The following SLC4A3 variants were observed in gnomAD, a reference collection of about 807,000 sequenced individuals.
The protein encoded by SLC4A3 is solute carrier family 4 member 3.
Under a neutral mutation model 114.2 loss-of-function variants are expected in SLC4A3, and 47 were observed. The observed-to-expected ratio is 0.41, with a 90% CI of 0.33 to 0.52. SLC4A3 has a LOEUF of 0.52. Among genes scored for constraint, SLC4A3 ranks in the 20% least tolerant of loss-of-function variants. The pLI is 0.21. For missense variants in SLC4A3, 1,312 were observed against 1,668.3 expected, an observed-to-expected ratio of 0.79 and a Z score of 3.72; for synonymous variants, 693 against 710.3, an observed-to-expected ratio of 0.98 and a Z score of 0.39.
chr2:219,630,055 C>G lies in SLC4A3; in HGVS notation c.612-98C>G, dbSNP rs376385649. On this transcript the variant is annotated intron_variant, in intron 5 of 22. Transcript: ENST00000358055. This position sits in a 1 kb window ranked among gnomAD's most constrained non-coding sequence, Gnocchi z 6.9. ...GCCCAGGAGGGGCCTGGGTCTCATG[C>G]TCAGGGTCTACTCCAGGCCGTGCTC... is the stretch of plus-strand genomic sequence containing the variant. 9.1e-6 allele frequency: 14 copies of G among 1,537,974 alleles called. No individual in the cohort carries two copies. The highest frequency in any genetic ancestry group is 1.2e-5 in the Non-Finnish European group (14 of 1,140,158).
chr2:219,629,137 C>T lies in SLC4A3; in HGVS notation c.218-7C>T. 4 of 1,570,976 alleles carry T rather than the reference C, an allele frequency of 2.5e-6. No individual in the cohort carries two copies. The highest frequency in any genetic ancestry group is 2.7e-5 in the African/African-American group (2 of 73,808). On this transcript the variant is annotated splice_polypyrimidine_tract_variant and splice_region_variant and intron_variant, in intron 3 of 22. Coordinates refer to ENST00000358055, the MANE Select transcript of SLC4A3 (RefSeq NM_005070.4). The stretch of plus-strand genomic sequence containing the variant: ...GGGGGCCTCAACCGGATCTCCTGCA[C>T]CCCCAGTTCACCGGCACACATCCCA...
intron 7 of SLC4A3, 43 bp downstream of exon 7, chr2:219,632,159 C>G (rs1234043952): frequency 1.2e-6 from 2 of 1,607,108 alleles, no homozygotes; most frequent in Admixed American, 1.7e-5. Flanking sequence ...CCTCATGCCC[C>G]TCGGCCCCGG....
In SLC4A3 at chr2:219,635,663, G is replaced by A. The variant is rs1291985827; in HGVS notation, c.1973-10G>A. 4 of 1,571,436 alleles carry A rather than the reference G, an allele frequency of 2.5e-6. No homozygotes were observed. Among genetic ancestry groups the A allele is most frequent in the South Asian group, 1.2e-5 (1 of 85,608 alleles). On this transcript the variant is annotated splice_polypyrimidine_tract_variant and intron_variant, in intron 13 of 22. Coordinates refer to ENST00000358055, the MANE Select transcript of SLC4A3 (RefSeq NM_005070.4). The stretch of plus-strand genomic sequence containing the variant: ...GTGGTCTGTGCCCCAGCAGCCCCTT[G>A]TTCCCCCAGAACTGTCTTTGGAGTT...
chr2:219,641,115 A>C lies in SLC4A3; in HGVS notation c.3621+153A>C, dbSNP rs1234693569. On this transcript the variant is annotated intron_variant, in intron 22 of 22. Coordinates refer to ENST00000358055, the MANE Select transcript of SLC4A3 (RefSeq NM_005070.4). This position sits in a 1 kb window ranked among gnomAD's most constrained non-coding sequence, Gnocchi z 4.0. ...CTTCCGAAATCTTATTTTCACCTGT[A>C]TAATAGGGGTGATCATAGACCCTAC... 6.6e-6 allele frequency among the ~76,000 whole-genome samples: 1 copy of C among 152,138 alleles called. No individual in the cohort carries two copies. Among genetic ancestry groups the C allele is most frequent in the Admixed American group, 6.5e-5 (1 of 15,284 alleles).
rs2106198532 is a variant in SLC4A3, at chr2:219,637,195, T to G, written c.2535+321T>G. Among the ~76,000 whole-genome samples, 1 of 90,708 alleles carries G rather than the reference T, an allele frequency of 1.1e-5. No individual in the cohort carries two copies. The highest frequency in any genetic ancestry group is 3.8e-4 in the South Asian group (1 of 2,632). The allele number at this position is 90,708 out of a possible 152,430, so 59.5% of individuals were successfully genotyped here. ...CCTTGGGTCACCTTTTGTAGAGGAG[T>G]GTGTGTGTGTGTGTGGGTGTGGGTG... On this transcript the variant is annotated intron_variant, in intron 16 of 22. Transcript: ENST00000358055. This position sits in a 1 kb window ranked among gnomAD's most constrained non-coding sequence, Gnocchi z 4.6.
chr2:219,634,048 C>G, intron 11 of SLC4A3, 69 bp downstream of exon 11: 1 of 1,459,950 alleles, frequency 6.8e-7, no homozygotes, highest in Non-Finnish European at 9.1e-7. Context: ...GCCTGCTTGT[C>G]TGAGCTCTGG....
Position 219,641,059 on chromosome 2 carries a change from C to T in SLC4A3, c.3621+97C>T. On this transcript the variant is annotated intron_variant, in intron 22 of 22. Transcript: ENST00000358055. The surrounding 1 kb of genome is among the most constrained non-coding windows in gnomAD (Gnocchi z 4.0). Reference sequence around the variant, plus strand: ...CCCACTAGTTGTGTTAGTTGTGAAACTTGTGTAACTTGTGTTGCAAGTTAT... The same window carrying T: ...CCCACTAGTTGTGTTAGTTGTGAAATTTGTGTAACTTGTGTTGCAAGTTAT... 8.8e-7 allele frequency: 1 copy of T among 1,139,560 alleles called. No individual in the cohort carries two copies. Among genetic ancestry groups the T allele is most frequent in the Non-Finnish European group, 1.2e-6 (1 of 802,904 alleles). The allele number at this position is 1,139,560 out of a possible 1,614,324, so 70.6% of individuals were successfully genotyped here. A position where few individuals can be genotyped will look rare whatever the true frequency, so the allele number is the denominator to read the frequency against.
At position 219,637,677 on chromosome 2, in the gene SLC4A3, C is replaced by T. The variant is rs1453363159; in HGVS notation, c.2632C>T (p.Pro878Ser). 6 of 1,609,634 alleles carry T rather than the reference C, an allele frequency of 3.7e-6. No homozygotes were observed. Among genetic ancestry groups the T allele is most frequent in the Non-Finnish European group, 5.1e-6 (6 of 1,176,248 alleles). ...TCTGGAGCCAAATGGCAGTGCCCTG[C>T]CCCCCACCGAGGGCCCCCCCAGCCC... ...AGLEPNGSAL[P>S]PTEGPPSPRN... is the part of the protein sequence containing the mutation. Residue 878 changes from proline to serine, a missense_variant, in exon 17 of 23, where the codon CCC (proline) becomes TCC (serine). Transcript: ENST00000358055. This position sits in a 1 kb window ranked among gnomAD's most constrained non-coding sequence, Gnocchi z 4.6.
Position 219,628,992 on chromosome 2 carries a change from G to A in SLC4A3, c.218-152G>A. On this transcript the variant is annotated intron_variant, in intron 3 of 22. Transcript: ENST00000358055. This position sits in a 1 kb window ranked among gnomAD's most constrained non-coding sequence, Gnocchi z 4.8. The stretch of plus-strand genomic sequence containing the variant: ...CTCCACCAGACCTCATCAATGACAG[G>A]CACGTGGACACAGGTGTTGGGGGGT... The A allele has an allele frequency of 1.1e-6, 1 of 908,120 alleles. No homozygotes were observed. Among genetic ancestry groups the A allele is most frequent in the Non-Finnish European group, 1.6e-6 (1 of 623,724 alleles). 56.3% of individuals were successfully genotyped at this position (908,120 alleles called of 1,614,324 possible).
At position 219,638,634 on chromosome 2, in the gene SLC4A3, G is replaced by C. The variant is rs565459051; in HGVS notation, c.2857-69G>C. 1.3e-6 allele frequency: 2 copies of C among 1,536,368 alleles called. No homozygotes were observed. Among genetic ancestry groups the C allele is most frequent in the Admixed American group, 1.7e-5 (1 of 58,416 alleles). On this transcript the variant is annotated intron_variant, in intron 18 of 22. Transcript: ENST00000358055. The surrounding 1 kb of genome is among the most constrained non-coding windows in gnomAD (Gnocchi z 7.5). The stretch of plus-strand genomic sequence containing the variant: ...AGTCCTGGACTGGGGACGCAGCTTA[G>C]TGGGCTGCTTGGTGGGCTTTCTAGC...
Position 219,631,432 on chromosome 2 carries a change from G to T in SLC4A3, c.812-536G>T. 1.5e-6 allele frequency: 2 copies of T among 1,304,094 alleles called. No individual in the cohort carries two copies. Among genetic ancestry groups the T allele is most frequent in the Non-Finnish European group, 2.0e-6 (2 of 988,796 alleles). 80.8% of individuals were successfully genotyped at this position (1,304,094 alleles called of 1,614,324 possible). On this transcript the variant is annotated intron_variant, in intron 6 of 22. Coordinates refer to ENST00000358055, the MANE Select transcript of SLC4A3 (RefSeq NM_005070.4). This position sits in a 1 kb window ranked among gnomAD's most constrained non-coding sequence, Gnocchi z 6.3. ...TGGGAGTCCATCAGGGGCCAGCTGG[G>T]CCCCATGGCAGGGCCACCAACTTGT...
At position 219,628,425 on chromosome 2, in the gene SLC4A3, G is replaced by A. The variant is rs1317297800; in HGVS notation, c.72G>A (p.Glu24=). The part of the protein sequence containing the change: ...PLPQVRVPLE[E]PPLSPDVEEE... ...TGCAGGTCCGGGTGCCCTTGGAGGA[G>A]CCCCCTCTAAGTCCAGACGTGGAGG... is the stretch of plus-strand genomic sequence containing the variant. Residue 24 remains glutamate, a synonymous_variant, in exon 3 of 23, where the codon GAG becomes GAA. Transcript: ENST00000358055. This position sits in a 1 kb window ranked among gnomAD's most constrained non-coding sequence, Gnocchi z 4.8. The A allele has an allele frequency of 6.2e-7, 1 of 1,612,808 alleles. No homozygotes were observed. The highest frequency in any genetic ancestry group is 8.5e-7 in the Non-Finnish European group (1 of 1,179,574).
rs1698863788 is a variant in SLC4A3, at chr2:219,630,037, A to AG, written c.612-112dup. ...GGGTCAGCATCCTTTGCTGCCCAGG[A>AG]GGGGCCTGGGTCTCATGCTCAGGGT... On this transcript the variant is annotated intron_variant, in intron 5 of 22. Coordinates refer to ENST00000358055, the MANE Select transcript of SLC4A3 (RefSeq NM_005070.4). The surrounding 1 kb of genome is among the most constrained non-coding windows in gnomAD (Gnocchi z 6.9). 1 of 1,517,418 alleles carries AG rather than the reference A, an allele frequency of 6.6e-7. No homozygotes were observed. The allele number at this position is 1,517,418 out of a possible 1,614,324, so 94.0% of individuals were successfully genotyped here.
At chr2:219,633,825 G>C in intron 10 of SLC4A3, 55 bp from the exon 11 acceptor site, 1 of 1,549,416 alleles carries the variant, frequency 6.5e-7, no homozygotes, top group Non-Finnish European at 8.7e-7. Context: ...GGCTGGGAGG[G>C]CCTGCCACGG....
In SLC4A3 at chr2:219,633,676, A is replaced by G. The variant is rs530504495; in HGVS notation, c.1462-204A>G. Among the ~76,000 whole-genome samples, 56 of 152,332 alleles carry G rather than the reference A, an allele frequency of 3.7e-4. 1 individual carries two copies. The South Asian group carries it at 6.8e-3, about 19-fold the overall frequency. On this transcript the variant is annotated intron_variant, in intron 10 of 22. Coordinates refer to ENST00000358055, the MANE Select transcript of SLC4A3 (RefSeq NM_005070.4). ...GCAGACCCACAGGAGCTGTTTAAAC[A>G]AGATAAGGCTGAGGTGGTAGTTGGG...
In SLC4A3 at chr2:219,627,924, G is replaced by A; in HGVS notation, c.-69G>A. ...GGGCTCCCCGCTAGGCCCCCTCAGT[G>A]GCCCCTCCTTCTCACCTGGGTCTCG... is the stretch of plus-strand genomic sequence containing the variant. On this transcript the variant is annotated 5_prime_UTR_variant, in exon 2 of 23. Coordinates refer to ENST00000358055, the MANE Select transcript of SLC4A3 (RefSeq NM_005070.4). 7.4e-7 allele frequency: 1 copy of A among 1,343,698 alleles called. No individual in the cohort carries two copies. The highest frequency in any genetic ancestry group is 1.0e-6 in the Non-Finnish European group (1 of 954,852). The allele number at this position is 1,343,698 out of a possible 1,614,324, so 83.2% of individuals were successfully genotyped here.
chr2:219,628,688 C>A lies in SLC4A3; in HGVS notation c.217+118C>A. 1 of 1,048,714 alleles carries A rather than the reference C, an allele frequency of 9.5e-7. No homozygotes were observed. Among genetic ancestry groups the A allele is most frequent in the Non-Finnish European group, 1.4e-6 (1 of 713,626 alleles). 65.0% of individuals were successfully genotyped at this position (1,048,714 alleles called of 1,614,324 possible). The stretch of plus-strand genomic sequence containing the variant: ...GTGCCATCCTGTGCCGGACACTGTG[C>A]TGGACTCTGTGCTGGGCCACATGCC... On this transcript the variant is annotated intron_variant, in intron 3 of 22. Transcript: ENST00000358055. This position sits in a 1 kb window ranked among gnomAD's most constrained non-coding sequence, Gnocchi z 4.8.
At position 219,637,520 on chromosome 2, in the gene SLC4A3, G is replaced by A. The variant is rs1699166989; in HGVS notation, c.2536-61G>A. The A allele has an allele frequency of 2.2e-6, 2 of 902,714 alleles. No homozygotes were observed. The highest frequency in any genetic ancestry group is 1.6e-5 in the South Asian group (1 of 63,322). The allele number at this position is 902,714 out of a possible 1,614,324, so 55.9% of individuals were successfully genotyped here. A position where few individuals can be genotyped will look rare whatever the true frequency, so the allele number is the denominator to read the frequency against. The stretch of plus-strand genomic sequence containing the variant: ...CCCTCTCTCTCACAGGTGTACTGAT[G>A]ACGATGAAGTCAGGTCACCTGCCAG... On this transcript the variant is annotated intron_variant, in intron 16 of 22. Coordinates refer to ENST00000358055, the MANE Select transcript of SLC4A3 (RefSeq NM_005070.4). This position sits in a 1 kb window ranked among gnomAD's most constrained non-coding sequence, Gnocchi z 4.6.
In SLC4A3 at chr2:219,640,438, A is replaced by G. The variant is rs765227739; in HGVS notation, c.3286A>G (p.Ile1096Val). Residue 1096 changes from isoleucine to valine, a missense_variant, in exon 21 of 23, where the codon ATC becomes GTC. By Grantham distance (29) the Ile-to-Val change is conservative. Coordinates refer to ENST00000358055, the MANE Select transcript of SLC4A3 (RefSeq NM_005070.4). Reference protein sequence around the residue: ...VLIASLVGLSIVMGAVLRRIP... With the variant: ...VLIASLVGLSVVMGAVLRRIP... ...TGTGTCACCTCCTCCAGGCCTGTCC[A>G]TCGTCATGGGGGCTGTGCTGCGTCG... is the stretch of plus-strand genomic sequence containing the variant. 1.2e-6 allele frequency: 2 copies of G among 1,612,892 alleles called. No homozygotes were observed. The highest frequency in any genetic ancestry group is 1.7e-6 in the Non-Finnish European group (2 of 1,179,360).
Sources: allele counts gnomAD v4.1 joint callset (sites outside exome capture counted in the v4.1 genomes callset), GRCh38; gene constraint gnomAD v4.1.1; non-coding constraint Gnocchi (gnomAD v3.1); transcripts MANE v1.5; gene names NCBI Gene and HGNC (gene_info 2026-07-23, HGNC 2026-07-21).